Variants in THSD7B observed in about 807,000 individuals in gnomAD.
THSD7B encodes the protein thrombospondin type-1 domain-containing protein 7B.
THSD7B carries 138 observed loss-of-function variants against 213.6 expected under a neutral mutation model. The observed-to-expected ratio is 0.65, with a 90% CI of 0.56 to 0.74. The LOEUF (loss-of-function observed/expected upper bound fraction) is 0.74. Ranked by LOEUF, THSD7B falls within the 30% of genes least tolerant of loss-of-function variation. THSD7B has a pLI of 0.00. For synonymous variants in THSD7B, 742 were observed against 687.0 expected, an observed-to-expected ratio of 1.08 and a Z score of -1.25; for missense variants, 1,931 against 1,991.5, an observed-to-expected ratio of 0.97 and a Z score of 0.58.
chr2:136,915,798 C>T (rs1684338729), intron 2 of THSD7B, among the ~76,000 whole-genome samples: 1 of 152,136 alleles, frequency 6.6e-6, no homozygotes, highest in African/African-American at 2.4e-5. Flanking sequence ...TACAGTAAGT[C>T]CTTGACAGTT....
chr2:137,329,475 C>G (rs1684445761), intron 12 of THSD7B, among the ~76,000 whole-genome samples: 1 of 152,134 alleles, frequency 6.6e-6, no homozygotes, highest in Non-Finnish European at 1.5e-5. Flanking sequence ...AAGCAATTCT[C>G]TTACCTCAGC....
At chr2:136,771,546 C>T (rs542114510) in intron 1 of THSD7B, among the ~76,000 whole-genome samples, 1 of 151,974 alleles carries the variant, frequency 6.6e-6, no homozygotes, top group African/African-American at 2.4e-5. Context: ...TTAAAGTGGC[C>T]AAAAATGTTG....
At chr2:137,478,241 A>G (rs1476027983) in intron 15 of THSD7B, among the ~76,000 whole-genome samples, 1 of 152,148 alleles carries the variant, frequency 6.6e-6, no homozygotes, top group Admixed American at 6.5e-5. Context: ...GTGGTGTCCC[A>G]TATATCATGT....
At chr2:136,791,752 T>C (rs1681968268) in intron 1 of THSD7B, among the ~76,000 whole-genome samples, 1 of 152,112 alleles carries the variant, frequency 6.6e-6, no homozygotes, top group African/African-American at 2.4e-5. Context: ...TCTACTAATA[T>C]TCCATTGTAT....
chr2:137,585,136 A>T (rs190315298), intron 17 of THSD7B, among the ~76,000 whole-genome samples: 160 of 152,194 alleles, frequency 1.1e-3, no homozygotes, highest in African/African-American at 3.6e-3. Context: ...AGAGGTGTTT[A>T]TAGTATTCTC....
At chr2:137,086,727 G>C (rs909479803) in intron 3 of THSD7B, among the ~76,000 whole-genome samples, 1 of 152,200 alleles carries the variant, frequency 6.6e-6, no homozygotes, top group Non-Finnish European at 1.5e-5. Flanking sequence ...AGTCATTAAT[G>C]ATGTGAGAGG....
intron 3 of THSD7B, among the ~76,000 whole-genome samples, chr2:137,083,981 C>G (rs1263917893): frequency 6.6e-6 from 1 of 151,992 alleles, no homozygotes; most frequent in African/African-American, 2.4e-5. Flanking sequence ...GTATTATGTT[C>G]TATAAACAAA....
At chr2:137,512,695 T>C (rs1679992361) in intron 15 of THSD7B, among the ~76,000 whole-genome samples, 2 of 152,168 alleles carry the variant, frequency 1.3e-5, no homozygotes, top group African/African-American at 2.4e-5. Flanking sequence ...CGCTTGGCCT[T>C]ATTCACTACT....
At chr2:137,172,032 CAT>C (rs932734302) in intron 7 of THSD7B, among the ~76,000 whole-genome samples, 3 of 152,260 alleles carry the variant, frequency 2.0e-5, no homozygotes, top group South Asian at 2.1e-4. Flanking sequence ...ATTGTGGTAA[CAT>C]ATGTGCAATT....
At chr2:136,805,342 T>C (rs1682262793) in intron 1 of THSD7B, among the ~76,000 whole-genome samples, 1 of 152,178 alleles carries the variant, frequency 6.6e-6, no homozygotes. Flanking sequence ...TTCATGTGAA[T>C]TAGAACTAGA....
chr2:136,969,989 A>G (rs1388032524), intron 2 of THSD7B, among the ~76,000 whole-genome samples: 1 of 152,238 alleles, frequency 6.6e-6, no homozygotes, highest in Admixed American at 6.5e-5. Flanking sequence ...AGCGCAGGCA[A>G]TGTGGTTAAA....
At position 137,545,608 on chromosome 2, in the gene THSD7B, A is replaced by G. The variant is rs1433209656; in HGVS notation, c.3139-17613A>G. ...GCCCATCTCCTAAATTGCTCTACAGATGGCATTCATTAAATCAAAGCAGTG... is the reference window on the plus strand; with the variant it reads ...GCCCATCTCCTAAATTGCTCTACAGGTGGCATTCATTAAATCAAAGCAGTG... On this transcript the variant is annotated intron_variant, in intron 15 of 27. Coordinates refer to ENST00000409968, the MANE Select transcript of THSD7B (RefSeq NM_001316349.2). 9.9e-5 allele frequency among the ~76,000 whole-genome samples: 15 copies of G among 151,964 alleles called. 1 individual carries two copies. The highest frequency in any genetic ancestry group is 6.6e-5 in the Admixed American group (1 of 15,238).
chr2:137,225,366 C>T (rs1292158900), intron 7 of THSD7B, among the ~76,000 whole-genome samples: 4 of 152,178 alleles, frequency 2.6e-5, no homozygotes, highest in Non-Finnish European at 4.4e-5. Context: ...GCTAGATTTA[C>T]TGATGAGCTG....
intron 20 of THSD7B, among the ~76,000 whole-genome samples, chr2:137,637,692 C>G (rs1682859124): frequency 6.6e-6 from 1 of 152,128 alleles, no homozygotes; most frequent in Non-Finnish European, 1.5e-5. Context: ...TAGATTTTCT[C>G]TACCTTTATG....
chr2:137,464,386 A>C (rs1422156931), intron 15 of THSD7B, among the ~76,000 whole-genome samples: 1 of 152,096 alleles, frequency 6.6e-6, no homozygotes, highest in Non-Finnish European at 1.5e-5. Context: ...AGTGAGTAGG[A>C]AGTGTTACAA....
intron 14 of THSD7B, among the ~76,000 whole-genome samples, chr2:137,415,422 A>G (rs1686770998): frequency 6.6e-6 from 1 of 152,300 alleles, no homozygotes; most frequent in Admixed American, 6.5e-5. Flanking sequence ...ATGAGGAGAA[A>G]TATTAAAATC....
At chr2:137,091,762 T>C (rs1044420804) in intron 3 of THSD7B, among the ~76,000 whole-genome samples, 7 of 152,182 alleles carry the variant, frequency 4.6e-5, no homozygotes, top group African/African-American at 1.7e-4. Flanking sequence ...TTAGTCACTC[T>C]ATCTCCAAAT....
intron 5 of THSD7B, among the ~76,000 whole-genome samples, chr2:137,121,255 A>AGGAG (rs2104944076): frequency 6.6e-6 from 1 of 152,314 alleles, no homozygotes; most frequent in East Asian, 1.9e-4. Context: ...AAACAAGAGC[A>AGGAG]GGAGAGAGCT....
chr2:137,080,392 T>A (rs1029193835), intron 3 of THSD7B, among the ~76,000 whole-genome samples: 26 of 118,516 alleles, frequency 2.2e-4, no homozygotes, highest in Admixed American at 1.6e-3. Flanking sequence ...TTTTTTTTTT[T>A]AAATAGAGAC....
Sources: allele counts gnomAD v4.1 joint callset (sites outside exome capture counted in the v4.1 genomes callset), GRCh38; gene constraint gnomAD v4.1.1; transcripts MANE v1.5; gene names NCBI Gene and HGNC (gene_info 2026-07-23, HGNC 2026-07-21).